The following CCDC13 variants were observed in gnomAD, a reference collection of about 807,000 sequenced individuals.
CCDC13 encodes coiled-coil domain-containing protein 13.
A neutral mutation model predicts 87.3 loss-of-function variants in CCDC13; 70 were observed. That is an observed-to-expected ratio of 0.80 (90% CI 0.66 to 0.98). The LOEUF (loss-of-function observed/expected upper bound fraction) is 0.98, where lower values mean the gene tolerates loss of function less well. CCDC13 is among the 50% of genes least tolerant of loss of function. The probability of loss-of-function intolerance (pLI) is 0.00; values close to 1 mark genes in which losing one functional copy is unlikely to be tolerated. For synonymous variants in CCDC13, 317 were observed against 360.3 expected (o/e 0.88, Z 1.36); for missense variants, 842 against 892.0 (o/e 0.94, Z 0.71).
At chr3:42,760,778 T>G (rs1310387829) in intron 1 of CCDC13, among the ~76,000 whole-genome samples, 3 of 145,828 alleles carry the variant, frequency 2.1e-5, no homozygotes, top group Admixed American at 7.1e-5. Context: ...AAATAAAATA[T>G]AAATAAATTA....
At position 42,748,075 on chromosome 3, in the gene CCDC13, T is replaced by C. The variant is rs1699467215; in HGVS notation, c.604-702A>G. 3.3e-5 allele frequency among the ~76,000 whole-genome samples: 5 copies of C among 152,036 alleles called. No homozygotes were observed. The South Asian group carries it at 1.0e-3, about 32-fold the overall frequency. On this transcript the variant is annotated intron_variant, in intron 5 of 15. Transcript: ENST00000310232. The stretch of plus-strand genomic sequence containing the variant: ...CTGCCTGCTGAAACTCTTAGCAATG[T>C]CTTTTTTTTTTTTAACCCAATGTTT...
At chr3:42,720,001 G>A (rs1416361732) in intron 13 of CCDC13, among the ~76,000 whole-genome samples, 2 of 152,170 alleles carry the variant, frequency 1.3e-5, no homozygotes, top group African/African-American at 2.4e-5. Flanking sequence ...CTTCAAAAAT[G>A]TAAACATTTA....
chr3:42,724,789 A>G (rs1029383169), intron 13 of CCDC13, among the ~76,000 whole-genome samples: 5 of 149,794 alleles, frequency 3.3e-5, no homozygotes, highest in African/African-American at 9.9e-5. Flanking sequence ...TAATATTAAA[A>G]ATTTTGCTTT....
chr3:42,745,801 G>A, intron 7 of CCDC13, 122 bp downstream of exon 7: 1 of 662,700 alleles, frequency 1.5e-6, no homozygotes, highest in Non-Finnish European at 2.6e-6. Context: ...CGAGTGCACT[G>A]TGAGACCTAA....
chr3:42,723,346 C>G (rs11718476), intron 13 of CCDC13, among the ~76,000 whole-genome samples: 1 of 151,894 alleles, frequency 6.6e-6, no homozygotes, highest in Non-Finnish European at 1.5e-5. Context: ...ACTCAGAGAG[C>G]CTCCTGTTTG....
chr3:42,743,600 T>TATATATATATATACACAC, intron 7 of CCDC13, among the ~76,000 whole-genome samples: 1 of 125,800 alleles, frequency 7.9e-6, no homozygotes, highest in African/African-American at 3.6e-5. Context: ...TATATATATA[T>TATATATATATATACACAC]ACACACACAC....
At chr3:42,743,600 TACACACACAC>T (rs377644122) in intron 7 of CCDC13, among the ~76,000 whole-genome samples, 29 of 125,526 alleles carry the variant, frequency 2.3e-4, no homozygotes, top group African/African-American at 7.2e-4. Context: ...TATATATATA[TACACACACAC>T]ATATATATAT....
intron 5 of CCDC13, among the ~76,000 whole-genome samples, chr3:42,747,981 A>G (rs773161422): frequency 7.9e-5 from 12 of 152,140 alleles, no homozygotes; most frequent in Admixed American, 5.2e-4. Flanking sequence ...CACTGAATAG[A>G]AATAAGGACC....
intron 13 of CCDC13, among the ~76,000 whole-genome samples, chr3:42,728,482 A>C (rs34188562): frequency 0.2 from 29,824 of 150,750 alleles, 3,087 homozygotes; most frequent in South Asian, 0.28. Context: ...AAGGTCCTGT[A>C]CTTTGGGATA....
At chr3:42,758,482 T>C in intron 1 of CCDC13, 131 bp from the exon 2 acceptor site, 1 of 823,024 alleles carries the variant, frequency 1.2e-6, no homozygotes, top group Non-Finnish European at 1.9e-6. Flanking sequence ...CGCAGAAGCT[T>C]GGAAGCTCCA....
rs989646685 is a variant in CCDC13 at position 42,734,995 on chromosome 3, G to C, written c.1371+712C>G. 3.3e-5 allele frequency among the ~76,000 whole-genome samples: 5 copies of C among 152,258 alleles called. No individual in the cohort carries two copies. In the East Asian group the frequency reaches 7.7e-4, roughly 23 times the overall value. ...CACGGTCTGTGCTCCCTTACAGAGAGTGCAGGGGAGAAAACAGGAAAATGA... is the reference window on the plus strand; with the variant it reads ...CACGGTCTGTGCTCCCTTACAGAGACTGCAGGGGAGAAAACAGGAAAATGA... On this transcript the variant is annotated intron_variant, in intron 10 of 15. Transcript: ENST00000310232.
At chr3:42,728,981 G>A (rs887478362) in intron 13 of CCDC13, among the ~76,000 whole-genome samples, 1 of 152,174 alleles carries the variant, frequency 6.6e-6, no homozygotes, top group Non-Finnish European at 1.5e-5. Context: ...CTCACATGGA[G>A]ACAGAAGCCA....
At position 42,733,563 on chromosome 3, in the gene CCDC13, A is replaced by C. The variant is rs770535708; in HGVS notation, c.1418T>G (p.Val473Gly). Reference protein sequence around the residue: ...GVGEGSSGREVSPAYTQFLED... With the variant: ...GVGEGSSGREGSPAYTQFLED... ...CAGGAACTGGGTATAGGCAGGGCTGACCTCGCGGCCACTGGACCCCTCACC... is the reference window on the plus strand; with the variant it reads ...CAGGAACTGGGTATAGGCAGGGCTGCCCTCGCGGCCACTGGACCCCTCACC... Residue 473 changes from valine to glycine, a missense_variant, in exon 11 of 16, where the codon GTC becomes GGC. Physicochemically the swap from Val to Gly is moderately radical, Grantham distance 109 (BLOSUM62 -3). Transcript: ENST00000310232. The C allele has an allele frequency of 2.5e-6, 4 of 1,613,334 alleles. No homozygotes were observed. The highest frequency in any genetic ancestry group is 3.4e-6 in the Non-Finnish European group (4 of 1,179,654).
chr3:42,716,682 A>G (rs895972649), intron 13 of CCDC13, among the ~76,000 whole-genome samples: 2 of 152,200 alleles, frequency 1.3e-5, no homozygotes, highest in Non-Finnish European at 2.9e-5. Context: ...GAAAAAAAGG[A>G]AAATAAGTGT....
At chr3:42,757,328 GTGA>G (rs1395482158) in intron 2 of CCDC13, 114 bp from the exon 3 acceptor site, 13 of 983,484 alleles carry the variant, frequency 1.3e-5, no homozygotes, top group Middle Eastern at 2.2e-4. Context: ...ACACACTGAC[GTGA>G]AAGAAGAAAG....
intron 14 of CCDC13, among the ~76,000 whole-genome samples, chr3:42,712,613 C>T (rs1698338160): frequency 6.6e-6 from 1 of 152,192 alleles, no homozygotes; most frequent in African/African-American, 2.4e-5. Context: ...TTCTCCCCTT[C>T]CTGCTGCTGA....
chr3:42,760,294 AAATAAATAAAT>A (rs1559662320), intron 1 of CCDC13, among the ~76,000 whole-genome samples: 7 of 31,496 alleles, frequency 2.2e-4, no homozygotes, highest in African/African-American at 4.7e-4. Context: ...TCTTGTCTCT[AAATAAATAAAT>A]AAATAAATAA....
intron 13 of CCDC13, chr3:42,719,392 TCTC>T (rs1698508671): frequency 1.3e-5 from 1 of 75,466 alleles, no homozygotes; most frequent in Non-Finnish European, 2.7e-5. Flanking sequence ...CCTCTCTCTC[TCTC>T]TCTCTCTCTC....
intron 5 of CCDC13, 32 bp from the exon 6 acceptor site, chr3:42,747,405 A>G (rs1159205939): frequency 7.0e-7 from 1 of 1,432,234 alleles, no homozygotes; most frequent in Admixed American, 1.7e-5. Flanking sequence ...GAAAGTAGTC[A>G]TTTATTGCCT....
Sources: gnomAD v4.1 joint callset for allele counts (sites outside exome capture counted in the v4.1 genomes callset) on GRCh38, gnomAD v4.1.1 for gene constraint, MANE v1.5 for transcripts, NCBI Gene and HGNC (gene_info 2026-07-23, HGNC 2026-07-21) for gene names.